Variants in AK6 observed in about 807,000 individuals in gnomAD.
AK6 encodes adenylate kinase isoenzyme 6.
Under a neutral mutation model 23.7 loss-of-function variants are expected in AK6, and 24 were observed. That is an observed-to-expected ratio of 1.01 (90% CI 0.73 to 1.43). The LOEUF (loss-of-function observed/expected upper bound fraction) is 1.43, where lower values mean the gene tolerates loss of function less well. AK6 is among the 40% of genes most tolerant of loss of function. The pLI, the probability that AK6 is intolerant of heterozygous loss-of-function variation, is 0.00. For synonymous variants in AK6, 73 were observed against 69.8 expected (o/e 1.05, Z -0.23); for missense variants, 191 against 199.1 (o/e 0.96, Z 0.24).
At chr5:69,369,236 GCC>G in intron 1 of AK6, 4 of 114,624 alleles carry the variant, frequency 3.5e-5, no homozygotes, top group South Asian at 2.0e-4. Context: ...ACCCCCCCCC[GCC>G]CCCCCCCGGA....
chr5:69,365,239 G>A lies in AK6; in HGVS notation c.121+1264C>T, dbSNP rs149658269. ...TTAGTTGAAACAGACATGGTCTGTG[G>A]GGTTGGTGTGCCTAGTGTGGGAGTA... On this transcript the variant is annotated intron_variant, in intron 2 of 4. Coordinates refer to ENST00000380822, the MANE Select transcript of AK6 (RefSeq NM_016283.5). The A allele has an allele frequency of 1.6e-4, 261 of 1,614,198 alleles. No individual in the cohort carries two copies. In the African/African-American group the frequency reaches 3.2e-3, roughly 20 times the overall value.
At chr5:69,362,823 G>A (rs947129198) in intron 2 of AK6, among the ~76,000 whole-genome samples, 2 of 152,116 alleles carry the variant, frequency 1.3e-5, no homozygotes, top group Admixed American at 6.6e-5. Context: ...TCTTTTATCT[G>A]GCATTACAGG....
intron 1 of AK6, among the ~76,000 whole-genome samples, chr5:69,367,635 C>T (rs1397132878): frequency 3.3e-5 from 5 of 152,054 alleles, no homozygotes; most frequent in Non-Finnish European, 7.3e-5. Flanking sequence ...TCACTAGAGC[C>T]TTTACCTCCT....
intron 1 of AK6, 55 bp downstream of exon 1, chr5:69,369,408 C>T (rs1247120557): frequency 6.3e-7 from 1 of 1,594,350 alleles, no homozygotes; most frequent in East Asian, 2.3e-5. Flanking sequence ...ATGCCCAGAG[C>T]ACTCTGCGCC....
upstream of AK6, chr5:69,369,603 C>A (rs1762780863): frequency 6.3e-7 from 1 of 1,585,886 alleles, no homozygotes; most frequent in Admixed American, 1.8e-5. Context: ...GCCCCGAAGC[C>A]CACCGCGGCG....
At chr5:69,369,238 C>CCCCCCCCCCCCCCA in intron 1 of AK6, 1 of 156,870 alleles carries the variant, frequency 6.4e-6, no homozygotes, top group Non-Finnish European at 1.3e-5. Flanking sequence ...CCCCCCCCGC[C>CCCCCCCCCCCCCCA]CCCCCCCGGA....
chr5:69,369,632 G>A (rs774322909), upstream of AK6: 11 of 1,566,812 alleles, frequency 7.0e-6, no homozygotes, highest in African/African-American at 1.4e-4. Flanking sequence ...CTGCCCCGGC[G>A]GCCCAGCCGC....
Position 69,354,583 on chromosome 5 carries a change from C to T in AK6, c.326+1066G>A, listed in dbSNP as rs545232633. Reference sequence around the variant, plus strand: ...AAGACAGTGGGGATAAAAGACTTCCCTAAAAGTTTCTCTTTACTGGTTCTT... The same window carrying T: ...AAGACAGTGGGGATAAAAGACTTCCTTAAAAGTTTCTCTTTACTGGTTCTT... On this transcript the variant is annotated intron_variant, in intron 4 of 4. Transcript: ENST00000380822. Among the ~76,000 whole-genome samples the T allele has an allele frequency of 4.6e-5, 7 of 152,302 alleles. No individual in the cohort carries two copies. In the East Asian group the frequency reaches 1.4e-3, roughly 29 times the overall value.
intron 2 of AK6, chr5:69,365,812 T>A (rs897772513): frequency 1.6e-6 from 2 of 1,273,136 alleles, no homozygotes; most frequent in African/African-American, 1.5e-5. Flanking sequence ...GTTACTTTAG[T>A]AGCAACTGTC....
At position 69,369,446 on chromosome 5, in the gene AK6, C is replaced by G; in HGVS notation, c.28+17G>C. 1.2e-6 allele frequency: 2 copies of G among 1,609,804 alleles called. No homozygotes were observed. The highest frequency in any genetic ancestry group is 2.2e-5 in the East Asian group (1 of 44,744). On this transcript the variant is annotated intron_variant, in intron 1 of 4. Transcript: ENST00000380822. ...CAGCCTGCCCCAGCCCAGTCCCTCC[C>G]GGCCGCGCGCCCTGACCGGTGAGCA... is the stretch of plus-strand genomic sequence containing the variant.
chr5:69,367,279 G>A (rs776156709), intron 1 of AK6, among the ~76,000 whole-genome samples: 41 of 151,668 alleles, frequency 2.7e-4, no homozygotes, highest in Non-Finnish European at 4.4e-4. Context: ...TTGGGAGGCC[G>A]AGGCGGGCAG....
intron 2 of AK6, chr5:69,364,833 CATT>C (rs760205127): frequency 2.9e-5 from 27 of 946,166 alleles, no homozygotes; most frequent in African/African-American, 6.6e-5. Flanking sequence ...TGTGTTTACT[CATT>C]ATTATTAGTT....
Position 69,351,296 on chromosome 5 carries a change from G to A in AK6, c.*765C>T, listed in dbSNP as rs1035211710. 7.2e-5 allele frequency: 11 copies of A among 151,966 alleles called. No individual in the cohort carries two copies. The highest frequency in any genetic ancestry group is 2.7e-4 in the African/African-American group (11 of 41,362). The allele number at this position is 151,966 out of a possible 1,614,324, so 9.4% of individuals were successfully genotyped here. On this transcript the variant is annotated 3_prime_UTR_variant, in exon 5 of 5. Coordinates refer to ENST00000380822, the MANE Select transcript of AK6 (RefSeq NM_016283.5). The stretch of plus-strand genomic sequence containing the variant: ...TCCACCTCAGCCTCCCCATTTGCTG[G>A]GATTACAGGCATAAGCCACCATACC...
chr5:69,352,652 T>C (rs1188846927), intron 4 of AK6, among the ~76,000 whole-genome samples: 1 of 152,218 alleles, frequency 6.6e-6, no homozygotes. Flanking sequence ...TGAAAAGATG[T>C]TCAGCATCTC....
At position 69,351,153 on chromosome 5, in the gene AK6, T is replaced by C. The variant is rs1761942224; in HGVS notation, c.*908A>G. On this transcript the variant is annotated 3_prime_UTR_variant, in exon 5 of 5. Transcript: ENST00000380822. ...TTCCTCCACAGTGGTGACAGTTACA[T>C]AACCTTGTTAATAAGCTAAAAACCA... is the stretch of plus-strand genomic sequence containing the variant. 1 of 152,220 alleles carries C rather than the reference T, an allele frequency of 6.6e-6. No homozygotes were observed. Among genetic ancestry groups the C allele is most frequent in the Admixed American group, 6.5e-5 (1 of 15,268 alleles). 9.4% of individuals were successfully genotyped at this position (152,220 alleles called of 1,614,324 possible).
At chr5:69,364,861 T>C in intron 2 of AK6, 1 of 1,301,118 alleles carries the variant, frequency 7.7e-7, no homozygotes, top group African/African-American at 1.5e-5. Flanking sequence ...AAAACACAAC[T>C]TGAAAACATC....
At chr5:69,360,948 C>G (rs1762216188) in intron 2 of AK6, among the ~76,000 whole-genome samples, 1 of 152,092 alleles carries the variant, frequency 6.6e-6, no homozygotes, top group Admixed American at 6.6e-5. Flanking sequence ...GGAAATGGAT[C>G]CAATGTCAAT....
chr5:69,362,671 C>T (rs749764805), intron 2 of AK6, among the ~76,000 whole-genome samples: 2 of 152,002 alleles, frequency 1.3e-5, no homozygotes, highest in African/African-American at 4.8e-5. Context: ...CACTTGAGCC[C>T]GGGAGGCTGG....
At position 69,366,594 on chromosome 5, in the gene AK6, A is replaced by C. The variant is rs199706150; in HGVS notation, c.30T>G (p.Gly10=). MLLPNILLT[G]TPGVGKTTLG... ...GTGTGGTTTTTCCAACCCCTGGTGT[A>C]CCTGTAAGACAAGCCACAGAAAAAT... The change falls in exon 2 of 5, where the codon GGT becomes GGG. Residue 10 remains glycine, a splice_region_variant and synonymous_variant. Transcript: ENST00000380822. 49 of 1,611,010 alleles carry C rather than the reference A, an allele frequency of 3.0e-5. No individual in the cohort carries two copies. In the Admixed American group the frequency reaches 8.0e-4, roughly 26 times the overall value.
Sources: gnomAD v4.1 joint callset for allele counts (sites outside exome capture counted in the v4.1 genomes callset) on GRCh38, gnomAD v4.1.1 for gene constraint, MANE v1.5 for transcripts, NCBI Gene and HGNC (gene_info 2026-07-23, HGNC 2026-07-21) for gene names.